The following UBR3 variants were observed in gnomAD, a reference collection of about 807,000 sequenced individuals.
The protein encoded by UBR3 is E3 ubiquitin-protein ligase UBR3.
UBR3 carries 85 observed loss-of-function variants against 243.2 expected under a neutral mutation model. The ratio of observed to expected loss-of-function variants is 0.35; its 90% confidence interval spans 0.29 to 0.42. The LOEUF is 0.42. Ranked by LOEUF, UBR3 falls within the 10% of genes least tolerant of loss-of-function variation. UBR3 has a pLI of 1.00. For synonymous variants in UBR3, 748 were observed against 799.8 expected (o/e 0.94, Z 1.09); for missense variants, 1,686 against 2,300.8 (o/e 0.73, Z 5.47).
chr2:169,857,626 C>G (rs1178928587), intron 1 of UBR3, among the ~76,000 whole-genome samples: 2 of 151,240 alleles, frequency 1.3e-5, no homozygotes, highest in Non-Finnish European at 2.9e-5. Flanking sequence ...GGGGTTTCAC[C>G]ATGTTGGCTA....
chr2:170,027,726 G>C (rs545600175), intron 30 of UBR3, among the ~76,000 whole-genome samples: 1 of 151,776 alleles, frequency 6.6e-6, no homozygotes, highest in Non-Finnish European at 1.5e-5. Context: ...AACACTTTTA[G>C]GTTTTAGTCA....
At chr2:170,005,374 T>C (rs1004115804) in intron 27 of UBR3, among the ~76,000 whole-genome samples, 1 of 152,224 alleles carries the variant, frequency 6.6e-6, no homozygotes, top group Non-Finnish European at 1.5e-5. Context: ...TATTTTTCTC[T>C]GACAACACTC....
intron 32 of UBR3, among the ~76,000 whole-genome samples, chr2:170,054,925 G>A (rs2091300570): frequency 6.6e-6 from 1 of 152,160 alleles, no homozygotes; most frequent in Non-Finnish European, 1.5e-5. Context: ...CCACTATGCT[G>A]AGTACTTCTC....
At chr2:170,030,134 T>C (rs2090631345) in intron 31 of UBR3, among the ~76,000 whole-genome samples, 1 of 152,148 alleles carries the variant, frequency 6.6e-6, no homozygotes, top group Non-Finnish European at 1.5e-5. Flanking sequence ...TTTCCTCTTT[T>C]TGATACAAAT....
At position 170,015,355 on chromosome 2, in the gene UBR3, G is replaced by A. The variant is rs2090204385; in HGVS notation, c.4442G>A (p.Arg1481Lys). ...CSGGASTAGK[R>K]SCLNQLFHVL... is the part of the protein sequence containing the mutation. ...GGTGGTGCAAGCACAGCTGGCAAAA[G>A]GTCTTGTTTAAGTAAGTACTAAATA... The change falls in exon 30 of 39, where the codon AGG (arginine) becomes AAG (lysine). Residue 1481 changes from arginine to lysine, a missense_variant. By Grantham distance (26) the Arg-to-Lys change is conservative. This residue lies in a region of UBR3 where 371 missense variants were observed against 422.5 expected (regional missense o/e 0.88). Coordinates refer to ENST00000272793, the MANE Select transcript of UBR3 (RefSeq NM_172070.4). 1 of 1,610,976 alleles carries A rather than the reference G, an allele frequency of 6.2e-7. No individual in the cohort carries two copies. The highest frequency in any genetic ancestry group is 1.3e-5 in the African/African-American group (1 of 74,724).
rs978276375 is a variant in UBR3, at chr2:169,973,571, A to C, written c.3635-13074A>C. 7.0e-4 allele frequency among the ~76,000 whole-genome samples: 107 copies of C among 152,318 alleles called. 1 individual carries two copies. Among genetic ancestry groups the C allele is most frequent in the Middle Eastern group, 6.8e-3 (2 of 294 alleles). On this transcript the variant is annotated intron_variant, in intron 24 of 38. Transcript: ENST00000272793. ...AATTTTGTATCCTGAAGCTTTACTGAATTTGCTTATCAGTTCTAAGAGTTT... is the reference window on the plus strand; with the variant it reads ...AATTTTGTATCCTGAAGCTTTACTGCATTTGCTTATCAGTTCTAAGAGTTT...
chr2:169,913,705 T>A (rs559484160), intron 10 of UBR3, among the ~76,000 whole-genome samples: 1 of 152,290 alleles, frequency 6.6e-6, no homozygotes, highest in Middle Eastern at 3.4e-3. Flanking sequence ...AATACTTTTT[T>A]GTCAGCCCCA....
At chr2:170,056,712 T>G (rs2091344868) in intron 33 of UBR3, among the ~76,000 whole-genome samples, 1 of 152,236 alleles carries the variant, frequency 6.6e-6, no homozygotes, top group Non-Finnish European at 1.5e-5. Flanking sequence ...TATAAATACA[T>G]GAAATGTATT....
In UBR3 at chr2:170,007,105, A is replaced by T. The variant is rs897013521; in HGVS notation, c.4145A>T (p.Asn1382Ile). The T allele has an allele frequency of 1.9e-6, 3 of 1,613,288 alleles. No homozygotes were observed. The Admixed American group carries it at 5.0e-5, about 27-fold the overall frequency. The change falls in exon 28 of 39, where the codon AAC becomes ATC. Residue 1382 changes from asparagine to isoleucine, a missense_variant. Asn to Ile is a moderately radical substitution (Grantham distance 149). Around this residue, in one of 8 missense-constraint regions of UBR3, gnomAD observed 371 missense variants for 422.5 expected, o/e 0.88. Coordinates refer to ENST00000272793, the MANE Select transcript of UBR3 (RefSeq NM_172070.4). ...PCYPGSNVEN[N>I]PWQRPSNKSI... ...TATCCTGGAAGCAATGTGGAAAATA[A>T]CCCTTGGCAACGTCCTAGCAACAAA...
chr2:169,996,128 A>C (rs1438952232), intron 26 of UBR3, among the ~76,000 whole-genome samples: 1 of 152,218 alleles, frequency 6.6e-6, no homozygotes, highest in Non-Finnish European at 1.5e-5. Context: ...AATAAATAGG[A>C]ACTGACCTAG....
At chr2:169,903,564 TCTTA>T (rs1398899572) in intron 8 of UBR3, among the ~76,000 whole-genome samples, 3 of 152,192 alleles carry the variant, frequency 2.0e-5, no homozygotes, top group African/African-American at 7.2e-5. Flanking sequence ...TGGACCCTGT[TCTTA>T]GATATTGTTA....
intron 31 of UBR3, among the ~76,000 whole-genome samples, chr2:170,036,072 G>A (rs79001756): frequency 0.022 from 3,292 of 151,974 alleles, 112 homozygotes; most frequent in African/African-American, 0.075. Flanking sequence ...TGGTCAGTTT[G>A]TTCAGATTTT....
chr2:170,045,294 A>T (rs2091056769), intron 32 of UBR3, among the ~76,000 whole-genome samples: 1 of 152,158 alleles, frequency 6.6e-6, no homozygotes, highest in Non-Finnish European at 1.5e-5. Context: ...CCCATGATTC[A>T]GTTATCTCCC....
At chr2:169,912,126 A>G (rs1447778593) in intron 10 of UBR3, among the ~76,000 whole-genome samples, 5 of 152,306 alleles carry the variant, frequency 3.3e-5, no homozygotes, top group African/African-American at 1.2e-4. Context: ...TATAATTTAC[A>G]TAGGTAGCTG....
At chr2:169,886,156 C>CAAA (rs71006050) in intron 5 of UBR3, among the ~76,000 whole-genome samples, 5,400 of 112,016 alleles carry the variant, frequency 0.048, 134 homozygotes, top group Middle Eastern at 0.062. Flanking sequence ...GACTCCGTCT[C>CAAA]AAAAAAAAAA....
intron 33 of UBR3, among the ~76,000 whole-genome samples, chr2:170,057,458 TG>T (rs2091359791): frequency 6.6e-6 from 1 of 152,208 alleles, no homozygotes; most frequent in African/African-American, 2.4e-5. Context: ...CTGACTGCAA[TG>T]TAATCTGATA....
At chr2:170,007,818 C>T (rs908300816) in intron 28 of UBR3, among the ~76,000 whole-genome samples, 1 of 151,972 alleles carries the variant, frequency 6.6e-6, no homozygotes, top group African/African-American at 2.4e-5. Flanking sequence ...GAGCTGGGAT[C>T]GTGCCACTCC....
At position 170,007,097 on chromosome 2, in the gene UBR3, G is replaced by C; in HGVS notation, c.4137G>C (p.Val1379=). ...TTCCATGTTATCCTGGAAGCAATGT[G>C]GAAAATAACCCTTGGCAACGTCCTA... The part of the protein sequence containing the change: ...SVLPCYPGSN[V]ENNPWQRPSN... The change falls in exon 28 of 39, where the codon GTG becomes GTC. Residue 1379 remains valine (V), a synonymous_variant. Transcript: ENST00000272793. 1 of 1,613,290 alleles carries C rather than the reference G, an allele frequency of 6.2e-7. No homozygotes were observed. Among genetic ancestry groups the C allele is most frequent in the Non-Finnish European group, 8.5e-7 (1 of 1,179,896 alleles).
chr2:169,903,770 C>T lies in UBR3; in HGVS notation c.1466-1344C>T, dbSNP rs1166303943. 7.9e-5 allele frequency among the ~76,000 whole-genome samples: 12 copies of T among 152,210 alleles called. No individual in the cohort carries two copies. In the East Asian group the frequency reaches 2.3e-3, roughly 29 times the overall value. On this transcript the variant is annotated intron_variant, in intron 8 of 38. Coordinates refer to ENST00000272793, the MANE Select transcript of UBR3 (RefSeq NM_172070.4). ...GTGTGGTGGCACATACTTGTAATCCCAGCTACTGAGGAGGCTGAGGTGGGA... is the reference window on the plus strand; with the variant it reads ...GTGTGGTGGCACATACTTGTAATCCTAGCTACTGAGGAGGCTGAGGTGGGA...
Sources: allele counts gnomAD v4.1 joint callset (sites outside exome capture counted in the v4.1 genomes callset), GRCh38; gene constraint gnomAD v4.1.1; regional missense constraint gnomAD v4.1.1; transcripts MANE v1.5; gene names NCBI Gene and HGNC (gene_info 2026-07-23, HGNC 2026-07-21).